ABCA12: variants seen among roughly 807,000 people sequenced by gnomAD.
The protein encoded by ABCA12 is ATP binding cassette subfamily A member 12.
A neutral mutation model predicts 293.5 loss-of-function variants in ABCA12; 156 were observed. That is an observed-to-expected ratio of 0.53 (90% CI 0.47 to 0.61). ABCA12 has a LOEUF of 0.61. Among genes scored for constraint, ABCA12 ranks in the 20% least tolerant of loss-of-function variants. The pLI, the probability that ABCA12 is intolerant of heterozygous loss-of-function variation, is 0.00. For missense variants in ABCA12, 2,797 were observed against 3,090.2 expected, an observed-to-expected ratio of 0.91 and a Z score of 2.25; for synonymous variants, 1,063 against 1,108.0, an observed-to-expected ratio of 0.96 and a Z score of 0.81.
Position 214,964,031 on chromosome 2 carries a change from A to C in ABCA12, c.5884+2817T>G, listed in dbSNP as rs116548938. 5.2e-3 allele frequency among the ~76,000 whole-genome samples: 789 copies of C among 152,092 alleles called. 6 individuals are homozygous for C. Among genetic ancestry groups the C allele is most frequent in the African/African-American group, 0.018 (740 of 41,494 alleles). On this transcript the variant is annotated intron_variant, in intron 39 of 52. Transcript: ENST00000272895. ...CTCCAGTTTGCACATCAAAAAGCTT[A>C]TCTGCCACAAGTTGGCTTTCATCCC...
intron 5 of ABCA12, among the ~76,000 whole-genome samples, chr2:215,051,609 A>T (rs1022602009): frequency 8.2e-6 from 1 of 121,356 alleles, no homozygotes; most frequent in Admixed American, 8.7e-5. Flanking sequence ...TAAAAACGCT[A>T]GTGTGTGTGT....
intron 36 of ABCA12, among the ~76,000 whole-genome samples, chr2:214,972,084 GTTAT>G (rs959648019): frequency 6.6e-5 from 10 of 151,996 alleles, no homozygotes; most frequent in African/African-American, 2.2e-4. Flanking sequence ...TTTCTGCTGT[GTTAT>G]TTATCTTTTT....
chr2:215,010,611 A>G (rs1417645922), intron 17 of ABCA12, 141 bp from the exon 18 acceptor site: 2 of 976,570 alleles, frequency 2.0e-6, no homozygotes, highest in African/African-American at 3.3e-5. Context: ...GATGTGAGGC[A>G]TCTGGTGTCA....
At chr2:215,046,397 G>A (rs986511078) in intron 6 of ABCA12, among the ~76,000 whole-genome samples, 2 of 149,108 alleles carry the variant, frequency 1.3e-5, no homozygotes, top group Non-Finnish European at 3.0e-5. Flanking sequence ...CTTATTACTA[G>A]GTGTTATATT....
chr2:214,940,598 C>CT (rs1224014433), intron 50 of ABCA12, among the ~76,000 whole-genome samples: 1 of 151,972 alleles, frequency 6.6e-6, no homozygotes, highest in Non-Finnish European at 1.5e-5. Context: ...TGGTCCTGGG[C>CT]TTTTTTTGGT....
chr2:215,040,055 T>C (rs1031643146), intron 7 of ABCA12, among the ~76,000 whole-genome samples: 1 of 152,260 alleles, frequency 6.6e-6, no homozygotes, highest in Non-Finnish European at 1.5e-5. Flanking sequence ...TAAAAAGTAT[T>C]ACAATAACTG....
chr2:215,029,058 A>C (rs1700813541), intron 9 of ABCA12: 1 of 152,196 alleles, frequency 6.6e-6, no homozygotes, highest in Admixed American at 6.5e-5. Flanking sequence ...TTTTGGGAAG[A>C]GGAGGGTAGA....
At chr2:215,099,682 A>G (rs1437349922) in intron 2 of ABCA12, among the ~76,000 whole-genome samples, 1 of 116,398 alleles carries the variant, frequency 8.6e-6, no homozygotes, top group Non-Finnish European at 1.8e-5. Context: ...ACAGAGCGAG[A>G]CTTCATCTCA....
chr2:214,958,690 G>C (rs1187377050), intron 40 of ABCA12, among the ~76,000 whole-genome samples: 2 of 152,090 alleles, frequency 1.3e-5, no homozygotes, highest in Non-Finnish European at 2.9e-5. Context: ...AAAAACCTCG[G>C]TCTCCAACGG....
At chr2:215,009,639 C>T (rs908581374) in intron 18 of ABCA12, among the ~76,000 whole-genome samples, 2 of 152,010 alleles carry the variant, frequency 1.3e-5, no homozygotes, top group Admixed American at 6.6e-5. Context: ...TAATAATGAT[C>T]GCTGTCCATT....
intron 7 of ABCA12, among the ~76,000 whole-genome samples, chr2:215,041,341 C>G (rs1396528012): frequency 2.0e-5 from 3 of 152,102 alleles, no homozygotes; most frequent in Non-Finnish European, 4.4e-5. Flanking sequence ...ATCACAAGGT[C>G]AGGAGTTTGA....
chr2:215,007,908 G>T, intron 18 of ABCA12, 62 bp from the exon 19 acceptor site: 1 of 1,596,604 alleles, frequency 6.3e-7, no homozygotes. Context: ...TTTTAACAAG[G>T]TATCTTAAGA....
At chr2:214,994,945 G>A (rs1410018638) in intron 23 of ABCA12, among the ~76,000 whole-genome samples, 2 of 151,934 alleles carry the variant, frequency 1.3e-5, no homozygotes, top group Non-Finnish European at 2.9e-5. Context: ...CAGATGAATC[G>A]AACTCATAAA....
In ABCA12 at chr2:214,990,855, C is replaced by T. The variant is rs369775087; in HGVS notation, c.3471G>A (p.Ser1157=). ...TGATAAGATAGCTCATGGCAATAAC[C>T]GAGAAGCTGTAGTCCGAAAAATACA... The part of the protein sequence containing the change: ...LFLYFSDYSF[S]VIAMSYLISV... Residue 1157 remains serine, a synonymous_variant, in exon 24 of 53, where the codon TCG becomes TCA. Transcript: ENST00000272895. 1.7e-5 allele frequency: 27 copies of T among 1,613,842 alleles called. No individual in the cohort carries two copies. The highest frequency in any genetic ancestry group is 4.5e-5 in the East Asian group (2 of 44,870).
At position 215,000,907 on chromosome 2, in the gene ABCA12, G is replaced by A. The variant is rs531373827; in HGVS notation, c.2977C>T (p.Gln993Ter). The part of the protein sequence containing the change: ...YTIRMSLKTA[Q>*]TTRSLRTKIW... ...TTGGTTCTTAGGCTTCTTGTGGTCT[G>A]TGCGGTCTTGAGACTCATCCGGATG... The change falls in exon 22 of 53, where the codon CAG (glutamine) becomes TAG (stop). Residue 993 changes from glutamine (Q) to a stop codon, truncating the protein, a stop_gained. Transcript: ENST00000272895. LOFTEE classifies it high-confidence loss of function. The A allele has an allele frequency of 6.2e-7, 1 of 1,614,124 alleles. No homozygotes were observed. The highest frequency in any genetic ancestry group is 1.3e-5 in the African/African-American group (1 of 75,046).
Position 214,937,537 on chromosome 2 carries a change from C to T in ABCA12, c.7515G>A (p.Gln2505=), listed in dbSNP as rs368978989. The change falls in exon 51 of 53, where the codon CAG becomes CAA. Residue 2505 remains glutamine, a synonymous_variant. Coordinates refer to ENST00000272895, the MANE Select transcript of ABCA12 (RefSeq NM_173076.3). ...TTAAGTATGTTTTTGGAAAGTGCAG[C>T]TGCATGAACTTTGTGAGGGTCTCCA... is the stretch of plus-strand genomic sequence containing the variant. ...VTMETLTKFM[Q]LHFPKTYLKD... is the part of the protein sequence containing the mutation. 1.9e-4 allele frequency: 310 copies of T among 1,613,764 alleles called. No homozygotes were observed. The highest frequency in any genetic ancestry group is 2.4e-4 in the Non-Finnish European group (286 of 1,179,838).
chr2:215,017,803 GA>G (rs34762433), intron 14 of ABCA12: 3 of 630,072 alleles, frequency 4.8e-6, no homozygotes, highest in Admixed American at 3.0e-5. Flanking sequence ...GAAAAATAAA[GA>G]GAAAAGGGAC....
chr2:214,933,347 C>CG (rs1698119313), intron 52 of ABCA12, among the ~76,000 whole-genome samples: 1 of 152,138 alleles, frequency 6.6e-6, no homozygotes, highest in Non-Finnish European at 1.5e-5. Context: ...AAGTCGAAGA[C>CG]TAAGTCTTCA....
Position 214,932,304 on chromosome 2 carries a change from T to C in ABCA12, c.*330A>G, listed in dbSNP as rs1221144838. 2 of 271,658 alleles carry C rather than the reference T, an allele frequency of 7.4e-6. No homozygotes were observed. The highest frequency in any genetic ancestry group is 2.3e-5 in the African/African-American group (1 of 44,240). The allele number at this position is 271,658 out of a possible 1,614,324, so 16.8% of individuals were successfully genotyped here. A position where few individuals can be genotyped will look rare whatever the true frequency, so the allele number is the denominator to read the frequency against. On this transcript the variant is annotated 3_prime_UTR_variant, in exon 53 of 53. Transcript: ENST00000272895. ...CTTATATTTCAACTACCAAAATCCA[T>C]GCCTTTTAAACTGTCTTTTTATTGA...
Sources: allele counts gnomAD v4.1 joint callset (sites outside exome capture counted in the v4.1 genomes callset), GRCh38; gene constraint gnomAD v4.1.1; transcripts MANE v1.5; gene names NCBI Gene and HGNC (gene_info 2026-07-23, HGNC 2026-07-21).